The following SPAG16 variants were observed in gnomAD, a reference collection of about 807,000 sequenced individuals.
The protein encoded by SPAG16 is sperm-associated antigen 16 protein.
Under a neutral mutation model 80.4 loss-of-function variants are expected in SPAG16, and 86 were observed. That is an observed-to-expected ratio of 1.07 (90% confidence interval 0.90 to 1.28). The LOEUF (loss-of-function observed/expected upper bound fraction) is 1.28. Ranked by LOEUF, SPAG16 falls within the 50% of genes most tolerant of loss-of-function variation. The probability of loss-of-function intolerance (pLI) is 0.00; values close to 1 mark genes in which losing one functional copy is unlikely to be tolerated. For synonymous variants in SPAG16, 294 were observed against 265.9 expected, an observed-to-expected ratio of 1.11 and a Z score of -1.03; for missense variants, 870 against 765.3, an observed-to-expected ratio of 1.14 and a Z score of -1.61.
rs374041892 is a variant in SPAG16 at position 213,550,642 on chromosome 2, T to A, written c.1070+60552T>A. Among the ~76,000 whole-genome samples the A allele has an allele frequency of 2.3e-4, 35 of 152,258 alleles. No individual in the cohort carries two copies. The East Asian group carries it at 6.2e-3, about 27-fold the overall frequency. On this transcript the variant is annotated intron_variant, in intron 10 of 15. Transcript: ENST00000331683. Reference sequence around the variant, plus strand: ...TTTCATCATATCAGATCTACAAAATTCCTTTAAACTTATATGTAGTTATTA... The same window carrying A: ...TTTCATCATATCAGATCTACAAAATACCTTTAAACTTATATGTAGTTATTA...
intron 15 of SPAG16, among the ~76,000 whole-genome samples, chr2:214,266,745 AG>A (rs1434124260): frequency 6.6e-5 from 10 of 151,884 alleles, no homozygotes; most frequent in Non-Finnish European, 1.2e-4. Context: ...GTAAAGTTTC[AG>A]GATACAAAAT....
chr2:213,865,061 T>C (rs913855712), intron 11 of SPAG16, among the ~76,000 whole-genome samples: 1 of 152,060 alleles, frequency 6.6e-6, no homozygotes, highest in African/African-American at 2.4e-5. Context: ...GACTTCAAGG[T>C]ATCTCTCTCA....
intron 10 of SPAG16, among the ~76,000 whole-genome samples, chr2:213,671,704 A>G (rs963275473): frequency 1.3e-5 from 2 of 152,200 alleles, no homozygotes; most frequent in African/African-American, 4.8e-5. Context: ...TCTTGAGTTA[A>G]GCACCGCACC....
At chr2:213,954,069 G>C (rs373794673) in intron 12 of SPAG16, among the ~76,000 whole-genome samples, 1 of 151,416 alleles carries the variant, frequency 6.6e-6, no homozygotes, top group South Asian at 2.1e-4. Flanking sequence ...TGCAACCATT[G>C]CTATAATCCA....
chr2:213,900,985 G>T (rs1455119972), intron 11 of SPAG16, among the ~76,000 whole-genome samples: 1 of 152,054 alleles, frequency 6.6e-6, no homozygotes, highest in African/African-American at 2.4e-5. Flanking sequence ...CTAGAACATT[G>T]TACAACTTCT....
intron 12 of SPAG16, among the ~76,000 whole-genome samples, chr2:214,002,623 A>C (rs1312474687): frequency 6.6e-6 from 1 of 152,182 alleles, no homozygotes; most frequent in Non-Finnish European, 1.5e-5. Context: ...GTACAGTTCC[A>C]GTCCAAACCT....
intron 10 of SPAG16, among the ~76,000 whole-genome samples, chr2:213,603,841 C>A (rs905844799): frequency 6.6e-6 from 1 of 152,114 alleles, no homozygotes; most frequent in Non-Finnish European, 1.5e-5. Context: ...TTGTCACTAT[C>A]TGTGGCTTTA....
chr2:213,452,712 C>G (rs2071774218), intron 9 of SPAG16, among the ~76,000 whole-genome samples: 1 of 152,204 alleles, frequency 6.6e-6, no homozygotes, highest in Non-Finnish European at 1.5e-5. Flanking sequence ...CCATTGCTTA[C>G]TGAATCTTGC....
intron 4 of SPAG16, among the ~76,000 whole-genome samples, chr2:213,310,762 G>T (rs1351095327): frequency 6.6e-6 from 1 of 151,652 alleles, no homozygotes; most frequent in Non-Finnish European, 1.5e-5. Context: ...AAATCAGTAG[G>T]TGTACCTTTA....
chr2:213,695,053 C>T (rs1465629911), intron 10 of SPAG16, among the ~76,000 whole-genome samples: 1 of 152,008 alleles, frequency 6.6e-6, no homozygotes, highest in South Asian at 2.1e-4. Context: ...TTTGTTAATC[C>T]ACTTCCCTCC....
intron 8 of SPAG16, among the ~76,000 whole-genome samples, chr2:213,370,645 C>T (rs7605061): frequency 0.098 from 14,902 of 152,114 alleles, 1,902 homozygotes; most frequent in African/African-American, 0.29. Flanking sequence ...TAATCTCTAA[C>T]GATTCATTCT....
rs2063168292 is a variant in SPAG16 at position 213,311,079 on chromosome 2, A to G, written c.398+902A>G. On this transcript the variant is annotated intron_variant, in intron 4 of 15. Coordinates refer to ENST00000331683, the MANE Select transcript of SPAG16 (RefSeq NM_024532.5). Reference sequence around the variant, plus strand: ...CATGCACATAAGCGCAGTCAGTTTCATTATTTTAAATTGCACATGTAATGT... The same window carrying G: ...CATGCACATAAGCGCAGTCAGTTTCGTTATTTTAAATTGCACATGTAATGT... Among the ~76,000 whole-genome samples, 11 of 151,674 alleles carry G rather than the reference A, an allele frequency of 7.3e-5. No homozygotes were observed. The Admixed American group carries it at 7.3e-4, about 10-fold the overall frequency.
chr2:213,947,595 G>A (rs1002043677), intron 12 of SPAG16, among the ~76,000 whole-genome samples: 10 of 151,990 alleles, frequency 6.6e-5, no homozygotes, highest in South Asian at 4.1e-4. Flanking sequence ...GATATACATC[G>A]TTTGTCCTTT....
At chr2:214,251,634 T>C (rs1289974607) in intron 15 of SPAG16, among the ~76,000 whole-genome samples, 1 of 152,156 alleles carries the variant, frequency 6.6e-6, no homozygotes, top group Non-Finnish European at 1.5e-5. Flanking sequence ...TTACTGAATT[T>C]CATGGTTTTC....
chr2:213,594,547 G>A (rs778411617), intron 10 of SPAG16, among the ~76,000 whole-genome samples: 1 of 151,980 alleles, frequency 6.6e-6, no homozygotes, highest in Non-Finnish European at 1.5e-5. Flanking sequence ...TTCTATACCT[G>A]GCAAGCCTCT....
At chr2:213,576,329 T>A (rs182478186) in intron 10 of SPAG16, among the ~76,000 whole-genome samples, 1 of 152,302 alleles carries the variant, frequency 6.6e-6, no homozygotes, top group East Asian at 1.9e-4. Context: ...ACTGTAGCCC[T>A]GTAGTGTAGT....
At chr2:213,947,919 T>C (rs2079545760) in intron 12 of SPAG16, among the ~76,000 whole-genome samples, 1 of 152,144 alleles carries the variant, frequency 6.6e-6, no homozygotes, top group Non-Finnish European at 1.5e-5. Flanking sequence ...TTGTTTTGAC[T>C]GTTCTATTTT....
intron 10 of SPAG16, among the ~76,000 whole-genome samples, chr2:213,711,767 G>A (rs191113023): frequency 1.2e-4 from 18 of 152,064 alleles, no homozygotes; most frequent in Admixed American, 3.3e-4. Context: ...TGATCTGCCT[G>A]CCTTGGCCTC....
intron 10 of SPAG16, among the ~76,000 whole-genome samples, chr2:213,674,477 G>A (rs1412024918): frequency 1.3e-5 from 2 of 150,930 alleles, no homozygotes; most frequent in East Asian, 3.9e-4. Context: ...CTGGTGCGCT[G>A]CACCCACTAA....
Sources: allele counts gnomAD v4.1 joint callset (sites outside exome capture counted in the v4.1 genomes callset), GRCh38; gene constraint gnomAD v4.1.1; transcripts MANE v1.5; gene names NCBI Gene and HGNC (gene_info 2026-07-23, HGNC 2026-07-21).